MINDY3: variants seen among roughly 807,000 people sequenced by gnomAD.
MINDY3 encodes the protein MINDY lysine 48 deubiquitinase 3.
MINDY3 carries 38 observed loss-of-function variants against 69.2 expected under a neutral mutation model. The ratio of observed to expected loss-of-function variants is 0.55; its 90% confidence interval spans 0.42 to 0.72. MINDY3 has a LOEUF of 0.72. Ranked by LOEUF, MINDY3 falls within the 30% of genes least tolerant of loss-of-function variation. The pLI, the probability that MINDY3 is intolerant of heterozygous loss-of-function variation, is 0.00. For synonymous variants in MINDY3, 192 were observed against 180.1 expected, an observed-to-expected ratio of 1.07 and a Z score of -0.53; for missense variants, 522 against 519.0, an observed-to-expected ratio of 1.01 and a Z score of -0.06.
At chr10:15,830,603 G>A (rs890596192) in intron 8 of MINDY3, among the ~76,000 whole-genome samples, 11 of 152,210 alleles carry the variant, frequency 7.2e-5, no homozygotes, top group African/African-American at 2.7e-4. Flanking sequence ...ACACCTGAGA[G>A]GCAGATATCT....
chr10:15,838,551 G>A (rs1056351915), intron 4 of MINDY3, among the ~76,000 whole-genome samples: 6 of 151,660 alleles, frequency 4.0e-5, no homozygotes, highest in Non-Finnish European at 8.9e-5. Flanking sequence ...TATAAAGTAT[G>A]AAAAATTACT....
chr10:15,820,710 A>T (rs1268554777), intron 9 of MINDY3, among the ~76,000 whole-genome samples: 1 of 152,226 alleles, frequency 6.6e-6, no homozygotes, highest in African/African-American at 2.4e-5. Flanking sequence ...GTGAAACATG[A>T]AAAAGGAACG....
At chr10:15,813,487 G>A (rs1431970317) in intron 10 of MINDY3, among the ~76,000 whole-genome samples, 1 of 152,108 alleles carries the variant, frequency 6.6e-6, no homozygotes, top group East Asian at 1.9e-4. Flanking sequence ...ATGGACCTGT[G>A]CTTTGTCAGC....
At chr10:15,816,999 T>A in intron 9 of MINDY3, 84 bp from the exon 10 acceptor site, 1 of 989,984 alleles carries the variant, frequency 1.0e-6, no homozygotes, top group East Asian at 2.5e-5. Flanking sequence ...ATCTGAAGCA[T>A]AAAGTGTCCA....
intron 10 of MINDY3, among the ~76,000 whole-genome samples, chr10:15,807,074 C>T (rs1392787864): frequency 6.6e-6 from 1 of 152,102 alleles, no homozygotes; most frequent in Non-Finnish European, 1.5e-5. Flanking sequence ...CAGACTGTAA[C>T]ATGCAGATGA....
At chr10:15,784,868 G>T (rs184208470) in intron 13 of MINDY3, among the ~76,000 whole-genome samples, 38 of 152,290 alleles carry the variant, frequency 2.5e-4, no homozygotes, top group African/African-American at 8.9e-4. Context: ...GACATCAGTG[G>T]TATGTAGGGC....
chr10:15,830,627 A>C (rs1305496963), intron 8 of MINDY3, among the ~76,000 whole-genome samples: 2 of 152,216 alleles, frequency 1.3e-5, no homozygotes, highest in Non-Finnish European at 2.9e-5. Context: ...CCATTCATAG[A>C]GAAGAAGCTG....
intron 10 of MINDY3, among the ~76,000 whole-genome samples, chr10:15,802,701 C>CTCTT (rs571505414): frequency 3.9e-5 from 6 of 152,246 alleles, no homozygotes; most frequent in African/African-American, 1.2e-4. Context: ...TAAACAGAAA[C>CTCTT]TCTTTCTTTC....
intron 10 of MINDY3, among the ~76,000 whole-genome samples, chr10:15,796,912 G>T (rs927696438): frequency 6.6e-6 from 1 of 152,056 alleles, no homozygotes; most frequent in African/African-American, 2.4e-5. Flanking sequence ...AATCTAAAAT[G>T]TAGGCTCCTG....
intron 10 of MINDY3, among the ~76,000 whole-genome samples, chr10:15,810,778 T>C (rs756694461): frequency 1.3e-5 from 2 of 151,934 alleles, no homozygotes; most frequent in African/African-American, 4.8e-5. Flanking sequence ...ACAGATAATA[T>C]AGAAAACAAG....
At chr10:15,794,468 T>C (rs1170445789) in intron 11 of MINDY3, among the ~76,000 whole-genome samples, 2 of 152,124 alleles carry the variant, frequency 1.3e-5, no homozygotes, top group East Asian at 1.9e-4. Context: ...TCCTAAGTCA[T>C]ATATAGAGGC....
rs560748264 is a variant in MINDY3 at position 15,796,028 on chromosome 10, A to C, written c.955+72T>G. The stretch of plus-strand genomic sequence containing the variant: ...ATAATCCAATATATCTTTTGAATAA[A>C]ATCAGGTCGCTATCAATGTATTTCA... On this transcript the variant is annotated intron_variant, in intron 11 of 14. Transcript: ENST00000277632. 2.7e-6 allele frequency: 3 copies of C among 1,099,772 alleles called. No individual in the cohort carries two copies. In the East Asian group the frequency reaches 7.1e-5, roughly 26 times the overall value. 68.1% of individuals were successfully genotyped at this position (1,099,772 alleles called of 1,614,324 possible).
intron 8 of MINDY3, among the ~76,000 whole-genome samples, chr10:15,826,487 T>G (rs537719598): frequency 1.3e-5 from 2 of 152,342 alleles, no homozygotes; most frequent in East Asian, 3.9e-4. Flanking sequence ...AGATAATATG[T>G]AAAGATATAA....
chr10:15,834,551 T>G lies in MINDY3; in HGVS notation c.642A>C (p.Gly214=). 6.2e-7 allele frequency: 1 copy of G among 1,610,112 alleles called. No homozygotes were observed. ...ASEPLIDPVY[G]HGSQSLINLL... Reference sequence around the variant, plus strand: ...AGATTTTAGTTAATTACCTGCCATGTCCATATACAGGATCTATCAAGGGTT... The same window carrying G: ...AGATTTTAGTTAATTACCTGCCATGGCCATATACAGGATCTATCAAGGGTT... Residue 214 remains glycine, a synonymous_variant, in exon 7 of 15, where the codon GGA becomes GGC. Transcript: ENST00000277632.
intron 10 of MINDY3, among the ~76,000 whole-genome samples, chr10:15,797,230 A>G (rs1837907062): frequency 2.0e-5 from 3 of 152,140 alleles, no homozygotes; most frequent in Admixed American, 2.0e-4. Context: ...TTTATAAAAA[A>G]CAGGAATGGG....
At chr10:15,802,377 A>G (rs1375077927) in intron 10 of MINDY3, among the ~76,000 whole-genome samples, 1 of 152,164 alleles carries the variant, frequency 6.6e-6, no homozygotes, top group East Asian at 1.9e-4. Flanking sequence ...ATCATGCCAG[A>G]CAGCGAAGGA....
chr10:15,834,442 T>C, intron 7 of MINDY3, 101 bp downstream of exon 7: 1 of 780,154 alleles, frequency 1.3e-6, no homozygotes, highest in East Asian at 2.5e-5. Context: ...CTGTCAACAC[T>C]ACTGACAAAC....
chr10:15,821,484 C>A (rs113918458), intron 9 of MINDY3, among the ~76,000 whole-genome samples, 172 bp downstream of exon 9: 3 of 152,048 alleles, frequency 2.0e-5, no homozygotes, highest in African/African-American at 7.2e-5. Context: ...AATCAGCTGG[C>A]TTAACCACAC....
At chr10:15,793,630 G>A (rs771741023) in intron 11 of MINDY3, among the ~76,000 whole-genome samples, 16 of 152,102 alleles carry the variant, frequency 1.1e-4, no homozygotes, top group Non-Finnish European at 1.5e-4. Context: ...GTAGTAGAGA[G>A]AAGGGGAAAG....
Sources: allele counts gnomAD v4.1 joint callset (sites outside exome capture counted in the v4.1 genomes callset), GRCh38; gene constraint gnomAD v4.1.1; transcripts MANE v1.5; gene names NCBI Gene and HGNC (gene_info 2026-07-23, HGNC 2026-07-21).